Variants in L2HGDH observed in about 807,000 individuals in gnomAD.
L2HGDH encodes L-2-hydroxyglutarate dehydrogenase, mitochondrial.
L2HGDH carries 34 observed loss-of-function variants against 51.5 expected under a neutral mutation model. That is an observed-to-expected ratio of 0.66 (90% CI 0.50 to 0.88). L2HGDH has a LOEUF of 0.88. Ranked by LOEUF, L2HGDH falls within the 40% of genes least tolerant of loss-of-function variation. The probability of loss-of-function intolerance (pLI) is 0.00; values close to 1 mark genes in which losing one functional copy is unlikely to be tolerated. For missense variants in L2HGDH, 558 were observed against 571.9 expected, an observed-to-expected ratio of 0.98 and a Z score of 0.25; for synonymous variants, 198 against 197.9, an observed-to-expected ratio of 1.00 and a Z score of -0.01.
chr14:50,286,462 G>T (rs1375033782), intron 4 of L2HGDH, among the ~76,000 whole-genome samples: 1 of 152,134 alleles, frequency 6.6e-6, no homozygotes, highest in Non-Finnish European at 1.5e-5. Flanking sequence ...AAAGGGACTT[G>T]GTCTAAGAAG....
chr14:50,261,452 AAATT>A (rs1889017853), intron 9 of L2HGDH, among the ~76,000 whole-genome samples: 1 of 152,202 alleles, frequency 6.6e-6, no homozygotes. Flanking sequence ...TAACATGTCA[AAATT>A]AATCACAGAA....
intron 9 of L2HGDH, among the ~76,000 whole-genome samples, chr14:50,255,172 C>T (rs1302449868): frequency 6.6e-6 from 1 of 152,052 alleles, no homozygotes; most frequent in Admixed American, 6.6e-5. Flanking sequence ...AAGGCAACTT[C>T]AGGGTTTTTC....
intron 5 of L2HGDH, among the ~76,000 whole-genome samples, chr14:50,279,904 T>C (rs1398377425): frequency 6.6e-6 from 1 of 151,424 alleles, no homozygotes; most frequent in African/African-American, 2.4e-5. Context: ...CTACCAAAAA[T>C]ACAAAATTAG....
chr14:50,256,958 C>T (rs1313629210), intron 9 of L2HGDH, among the ~76,000 whole-genome samples: 8 of 152,068 alleles, frequency 5.3e-5, no homozygotes, highest in Non-Finnish European at 7.4e-5. Flanking sequence ...ATTTTTGAGA[C>T]GGAGTCTCAC....
chr14:50,293,833 T>C (rs905652765), intron 4 of L2HGDH, among the ~76,000 whole-genome samples: 1 of 152,190 alleles, frequency 6.6e-6, no homozygotes, highest in African/African-American at 2.4e-5. Flanking sequence ...ACATACCCAA[T>C]GCTCCCAACC....
chr14:50,273,611 G>A (rs986745448), intron 6 of L2HGDH, among the ~76,000 whole-genome samples: 1 of 151,556 alleles, frequency 6.6e-6, no homozygotes, highest in South Asian at 2.1e-4. Context: ...ATAAACAAGT[G>A]GGACTATATC....
intron 4 of L2HGDH, among the ~76,000 whole-genome samples, chr14:50,287,801 G>T (rs932756189): frequency 1.4e-5 from 2 of 144,462 alleles, no homozygotes; most frequent in Non-Finnish European, 3.0e-5. Context: ...AGGTTCAAGC[G>T]ATTCTCCTGC....
intron 8 of L2HGDH, 87 bp from the exon 9 acceptor site, chr14:50,265,576 T>C: frequency 6.5e-6 from 8 of 1,223,486 alleles, no homozygotes; most frequent in Non-Finnish European, 9.1e-6. Context: ...TCTTTTTTTA[T>C]GTCATCACAA....
intron 3 of L2HGDH, among the ~76,000 whole-genome samples, chr14:50,300,419 C>T (rs1013907781): frequency 4.6e-5 from 7 of 152,012 alleles, no homozygotes; most frequent in Non-Finnish European, 7.4e-5. Flanking sequence ...CTCAGCCTCC[C>T]GAGTAGCTGG....
In L2HGDH at chr14:50,287,275, G is replaced by A. The variant is rs1021425297; in HGVS notation, c.541-3242C>T. 106 of 982,436 alleles carry A rather than the reference G, an allele frequency of 1.1e-4. No individual in the cohort carries two copies. In the African/African-American group the frequency reaches 1.3e-3, roughly 12 times the overall value. 60.9% of individuals were successfully genotyped at this position (982,436 alleles called of 1,614,324 possible). ...GAAAAGTTTTGTTTTTTTCAGTAAT[G>A]CATAATATAAAAAATCATGGGTTCC... On this transcript the variant is annotated intron_variant, in intron 4 of 9. Coordinates refer to ENST00000267436, the MANE Select transcript of L2HGDH (RefSeq NM_024884.3).
intron 9 of L2HGDH, 41 bp from the exon 10 acceptor site, chr14:50,247,294 T>A: frequency 6.3e-7 from 1 of 1,597,636 alleles, no homozygotes; most frequent in Admixed American, 1.8e-5. Flanking sequence ...CTCAAAGACA[T>A]AGGATACTTT....
At chr14:50,257,329 G>C (rs1266251744) in intron 9 of L2HGDH, among the ~76,000 whole-genome samples, 1 of 151,628 alleles carries the variant, frequency 6.6e-6, no homozygotes, top group African/African-American at 2.4e-5. Flanking sequence ...CTTAAGGTAG[G>C]TCTAACCAGC....
At position 50,265,391 on chromosome 14, in the gene L2HGDH, A is replaced by G; in HGVS notation, c.1163T>C (p.Phe388Ser). ...ATCACTGATAGTAATTTCAGGGATG[A>G]ATTTTTGAAGATACTTCACTGTTGC... ...LGATVKYLQK[F>S]IPEITISDIL... The change falls in exon 9 of 10, where the codon TTC (phenylalanine) becomes TCC (serine). Residue 388 changes from phenylalanine (F) to serine (S), a missense_variant. This residue lies in a region of L2HGDH where 321 missense variants were observed against 311.8 expected (regional missense o/e 1.03). Coordinates refer to ENST00000267436, the MANE Select transcript of L2HGDH (RefSeq NM_024884.3). The G allele has an allele frequency of 1.9e-6, 3 of 1,612,248 alleles. No homozygotes were observed. Among genetic ancestry groups the G allele is most frequent in the South Asian group, 1.1e-5 (1 of 91,034 alleles).
intron 3 of L2HGDH, among the ~76,000 whole-genome samples, chr14:50,298,416 A>G (rs1806991555): frequency 6.6e-6 from 1 of 151,628 alleles, no homozygotes; most frequent in South Asian, 2.1e-4. Flanking sequence ...CCCAGGTTCT[A>G]GCAACTAACC....
At chr14:50,248,527 C>T (rs1888141688) in intron 9 of L2HGDH, among the ~76,000 whole-genome samples, 2 of 152,132 alleles carry the variant, frequency 1.3e-5, no homozygotes, top group South Asian at 4.1e-4. Context: ...TATTTAACAG[C>T]AAAGAAACAC....
At chr14:50,263,138 A>G (rs1222851318) in intron 9 of L2HGDH, among the ~76,000 whole-genome samples, 7 of 152,346 alleles carry the variant, frequency 4.6e-5, no homozygotes, top group Admixed American at 1.3e-4. Flanking sequence ...CACTGCAACT[A>G]TTTTTATACA....
At chr14:50,248,244 C>T (rs1888124577) in intron 9 of L2HGDH, among the ~76,000 whole-genome samples, 1 of 152,036 alleles carries the variant, frequency 6.6e-6, no homozygotes, top group Non-Finnish European at 1.5e-5. Flanking sequence ...GAAACTTGTC[C>T]AAGGAAGCCC....
chr14:50,287,245 C>T, intron 4 of L2HGDH: 2 of 984,384 alleles, frequency 2.0e-6, no homozygotes, highest in Non-Finnish European at 2.4e-6. Context: ...ACTTTTACAA[C>T]ATCTGAAAAG....
At chr14:50,311,514 T>C (rs936963456) in intron 1 of L2HGDH, 1 of 456,062 alleles carries the variant, frequency 2.2e-6, no homozygotes, top group Admixed American at 2.4e-5. Context: ...CTGCGGGCTT[T>C]CATTAGCATA....
Sources: allele counts gnomAD v4.1 joint callset (sites outside exome capture counted in the v4.1 genomes callset), GRCh38; gene constraint gnomAD v4.1.1; regional missense constraint gnomAD v4.1.1; transcripts MANE v1.5; gene names NCBI Gene and HGNC (gene_info 2026-07-23, HGNC 2026-07-21).